Variants in B3GALT1 observed in about 807,000 individuals in gnomAD.
B3GALT1 encodes the protein beta-1,3-galactosyltransferase 1, also known as UDP-Gal:betaGlcNAc beta 1,3-galactosyltransferase, polypeptide 1.
A neutral mutation model predicts 23.2 loss-of-function variants in B3GALT1; 10 were observed. The ratio of observed to expected loss-of-function variants is 0.43; its 90% CI spans 0.27 to 0.73. B3GALT1 has a LOEUF of 0.73. Ranked by LOEUF, B3GALT1 falls within the 30% of genes least tolerant of loss-of-function variation. The pLI is 0.21. For missense variants in B3GALT1, 299 were observed against 405.4 expected (o/e 0.74, Z 2.25); for synonymous variants, 156 against 141.5 (o/e 1.10, Z -0.73).
chr2:167,505,200 G>A (rs1022327028), intron 2 of B3GALT1, among the ~76,000 whole-genome samples: 2 of 152,106 alleles, frequency 1.3e-5, no homozygotes, highest in Non-Finnish European at 2.9e-5. Flanking sequence ...TAGTGGAGCT[G>A]ATTAAAATGA....
At chr2:167,478,168 C>T (rs1470772854) in intron 1 of B3GALT1, among the ~76,000 whole-genome samples, 1 of 152,160 alleles carries the variant, frequency 6.6e-6, no homozygotes, top group African/African-American at 2.4e-5. Context: ...GCTTTAGGAA[C>T]AGTTTATAGT....
intron 3 of B3GALT1, among the ~76,000 whole-genome samples, chr2:167,658,010 G>A (rs1183697887): frequency 6.7e-6 from 1 of 149,944 alleles, no homozygotes; most frequent in Admixed American, 6.8e-5. Context: ...CAACATAAAA[G>A]ATAAATTTCT....
chr2:167,609,300 G>T (rs751003831), intron 2 of B3GALT1, among the ~76,000 whole-genome samples: 2 of 152,156 alleles, frequency 1.3e-5, no homozygotes, highest in Non-Finnish European at 2.9e-5. Context: ...ACTGGGGACA[G>T]TCTTTACCCA....
intron 4 of B3GALT1, among the ~76,000 whole-genome samples, chr2:167,840,094 A>C (rs921430514): frequency 2.0e-5 from 3 of 152,230 alleles, no homozygotes; most frequent in African/African-American, 7.2e-5. Context: ...AAACCTAGGC[A>C]TTACCATTCA....
chr2:167,732,829 A>C (rs573986511), intron 3 of B3GALT1, among the ~76,000 whole-genome samples: 1 of 152,362 alleles, frequency 6.6e-6, no homozygotes, highest in East Asian at 1.9e-4. Context: ...AAGAAGAGCA[A>C]AGAATATTCT....
At chr2:167,409,559 G>T (rs765549430) in intron 1 of B3GALT1, among the ~76,000 whole-genome samples, 1 of 151,722 alleles carries the variant, frequency 6.6e-6, no homozygotes, top group Non-Finnish European at 1.5e-5. Context: ...TGATACTTGT[G>T]TATGCTTCAC....
At chr2:167,417,544 C>T (rs1414479759) in intron 1 of B3GALT1, among the ~76,000 whole-genome samples, 1 of 152,202 alleles carries the variant, frequency 6.6e-6, no homozygotes, top group Non-Finnish European at 1.5e-5. Context: ...GTAGTTATGT[C>T]ATTTGACCAG....
In B3GALT1 at chr2:167,449,834, G is replaced by T. The variant is rs539771197; in HGVS notation, c.-510-40343G>T. ...CTGGATTTTGTCAAATACTTTTTCT[G>T]TGTCTATTGAGATAATCATGTGAAT... On this transcript the variant is annotated intron_variant, in intron 1 of 4. Coordinates refer to ENST00000392690, the MANE Select transcript of B3GALT1 (RefSeq NM_020981.4). Among the ~76,000 whole-genome samples the T allele has an allele frequency of 2.6e-5, 4 of 152,218 alleles. No homozygotes were observed. In the South Asian group the frequency reaches 6.2e-4, roughly 24 times the overall value.
At chr2:167,688,364 A>G (rs766213983) in intron 3 of B3GALT1, among the ~76,000 whole-genome samples, 2 of 152,236 alleles carry the variant, frequency 1.3e-5, no homozygotes, top group Non-Finnish European at 2.9e-5. Flanking sequence ...AGCAGCTGTC[A>G]TAAAAATGCT....
At chr2:167,539,600 T>C (rs1574126393) in intron 2 of B3GALT1, among the ~76,000 whole-genome samples, 1 of 152,114 alleles carries the variant, frequency 6.6e-6, no homozygotes. Context: ...ACAGCATAAA[T>C]TGTAGGTCAC....
intron 4 of B3GALT1, among the ~76,000 whole-genome samples, chr2:167,849,334 T>C (rs1262668121): frequency 1.3e-5 from 2 of 152,176 alleles, no homozygotes; most frequent in Non-Finnish European, 2.9e-5. Context: ...TAAACTATAC[T>C]ATAAGGCCAT....
intron 3 of B3GALT1, among the ~76,000 whole-genome samples, chr2:167,727,643 C>A (rs1012769134): frequency 2.6e-5 from 4 of 152,286 alleles, no homozygotes; most frequent in Admixed American, 6.5e-5. Context: ...GAATTATCAT[C>A]AAAATCATTG....
chr2:167,524,880 A>G (rs1352153147), intron 2 of B3GALT1, among the ~76,000 whole-genome samples: 1 of 152,210 alleles, frequency 6.6e-6, no homozygotes, highest in African/African-American at 2.4e-5. Context: ...CAGTATGTCT[A>G]AAGTCATATC....
chr2:167,326,047 G>T (rs1696887628), intron 1 of B3GALT1, among the ~76,000 whole-genome samples: 1 of 150,858 alleles, frequency 6.6e-6, no homozygotes. Context: ...TGCACTAAAT[G>T]TCTAAAAGTT....
At chr2:167,570,400 G>T (rs1232206634) in intron 2 of B3GALT1, among the ~76,000 whole-genome samples, 1 of 151,698 alleles carries the variant, frequency 6.6e-6, no homozygotes, top group African/African-American at 2.4e-5. Context: ...TCAAGGAATG[G>T]GTCCATTTCA....
intron 1 of B3GALT1, among the ~76,000 whole-genome samples, chr2:167,430,712 AAG>A (rs1383514780): frequency 6.6e-6 from 1 of 152,178 alleles, no homozygotes; most frequent in African/African-American, 2.4e-5. Flanking sequence ...TAGATGAGGT[AAG>A]AGGGGCATTA....
intron 1 of B3GALT1, among the ~76,000 whole-genome samples, chr2:167,320,722 T>G (rs1268179981): frequency 6.6e-6 from 1 of 152,118 alleles, no homozygotes; most frequent in Non-Finnish European, 1.5e-5. Flanking sequence ...TGGCTATATT[T>G]TAAGAAAACA....
chr2:167,714,120 T>C, intron 3 of B3GALT1: 1 of 1,527,650 alleles, frequency 6.5e-7, no homozygotes, highest in Non-Finnish European at 9.1e-7. Context: ...CCATCCATTT[T>C]ATCCAAACAA....
chr2:167,581,221 A>G (rs1684478130), intron 2 of B3GALT1, among the ~76,000 whole-genome samples: 1 of 152,222 alleles, frequency 6.6e-6, no homozygotes, highest in East Asian at 1.9e-4. Context: ...AAGACTGCCC[A>G]TGTCCAAAGC....
Sources: allele counts gnomAD v4.1 joint callset (sites outside exome capture counted in the v4.1 genomes callset), GRCh38; gene constraint gnomAD v4.1.1; transcripts MANE v1.5; gene names NCBI Gene and HGNC (gene_info 2026-07-23, HGNC 2026-07-21).